TNXB: variants seen among roughly 807,000 people sequenced by gnomAD.
The protein encoded by TNXB is tenascin-X.
Under a neutral mutation model 340.5 loss-of-function variants are expected in TNXB, and 183 were observed. The ratio of observed to expected loss-of-function variants is 0.54; its 90% CI spans 0.48 to 0.61. TNXB has a LOEUF of 0.61. Ranked by LOEUF, TNXB falls within the 20% of genes least tolerant of loss-of-function variation. The probability of loss-of-function intolerance (pLI) is 0.00; values close to 1 mark genes in which losing one functional copy is unlikely to be tolerated. For synonymous variants in TNXB, 2,121 were observed against 2,314.5 expected, an observed-to-expected ratio of 0.92 and a Z score of 2.40; for missense variants, 4,613 against 5,446.4, an observed-to-expected ratio of 0.85 and a Z score of 4.82.
In TNXB at chr6:32,087,719, G is replaced by C. The variant is rs747351900; in HGVS notation, c.2779+1066C>G. On this transcript the variant is annotated intron_variant, in intron 6 of 43. Coordinates refer to ENST00000644971, the MANE Select transcript of TNXB (RefSeq NM_001365276.2). This position sits in a 1 kb window ranked among gnomAD's most constrained non-coding sequence, Gnocchi z 9.0. Reference sequence around the variant, plus strand: ...TGGCGCGCCACCGACGTGTAAGTCTGGTTGGCCCGCAGTGGGTAGCCGTGA... The same window carrying C: ...TGGCGCGCCACCGACGTGTAAGTCTCGTTGGCCCGCAGTGGGTAGCCGTGA... 1 of 483,110 alleles carries C rather than the reference G, an allele frequency of 2.1e-6. No homozygotes were observed. The highest frequency in any genetic ancestry group is 4.1e-6 in the Non-Finnish European group (1 of 243,024). The allele number at this position is 483,110 out of a possible 1,614,324, so 29.9% of individuals were successfully genotyped here. A position where few individuals can be genotyped will look rare whatever the true frequency, so the allele number is the denominator to read the frequency against.
In TNXB at chr6:32,097,180, G is replaced by A. The variant is rs1343425847; in HGVS notation, c.673C>T (p.Arg225Cys). The A allele has an allele frequency of 1.9e-6, 3 of 1,595,818 alleles. No individual in the cohort carries two copies. The highest frequency in any genetic ancestry group is 1.1e-5 in the South Asian group (1 of 88,790). Residue 225 changes from arginine (R) to cysteine (C), a missense_variant, in exon 3 of 44, where the codon CGT becomes TGT. By Grantham distance (180) the Arg-to-Cys change is radical. Transcript: ENST00000644971. This position sits in a 1 kb window ranked among gnomAD's most constrained non-coding sequence, Gnocchi z 5.9. ...WPSCPGDCQGRGRCVQGVCVC... is the reference protein window; with the variant it reads ...WPSCPGDCQGCGRCVQGVCVC... ...CACACGCCCTGCACGCAGCGCCCACGGCCTTGGCAGTCCCCGGGACAGGAT... is the reference window on the plus strand; with the variant it reads ...CACACGCCCTGCACGCAGCGCCCACAGCCTTGGCAGTCCCCGGGACAGGAT...
Position 32,046,384 on chromosome 6 carries a change from C to A in TNXB, c.10397G>T (p.Arg3466Leu), listed in dbSNP as rs757765276. Reference protein sequence around the residue: ...TVAEETSSSLRLSWTVAQGPF... With the variant: ...TVAEETSSSLLLSWTVAQGPF... ...GCCCTGGGCTACCGTCCAGGACAGG[C>A]GCAGAGAGCTGGAGGTCTCCTCAGC... Residue 3466 changes from arginine (R) to leucine (L), a missense_variant, in exon 31 of 44, where the codon CGC (arginine) becomes CTC (leucine). Arg to Leu is a moderately radical substitution (Grantham distance 102). This residue lies in a region of TNXB where 4,327 missense variants were observed against 4,859.4 expected (regional missense o/e 0.89). Coordinates refer to ENST00000644971, the MANE Select transcript of TNXB (RefSeq NM_001365276.2). This position sits in a 1 kb window ranked among gnomAD's most constrained non-coding sequence, Gnocchi z 6.9. 7 of 1,592,986 alleles carry A rather than the reference C, an allele frequency of 4.4e-6. No individual in the cohort carries two copies. Among genetic ancestry groups the A allele is most frequent in the Non-Finnish European group, 6.0e-6 (7 of 1,167,460 alleles).
Position 32,079,498 on chromosome 6 carries a change from C to G in TNXB, c.4043-133G>C. 1 of 774,040 alleles carries G rather than the reference C, an allele frequency of 1.3e-6. No homozygotes were observed. Among genetic ancestry groups the G allele is most frequent in the Non-Finnish European group, 2.0e-6 (1 of 494,130 alleles). 47.9% of individuals were successfully genotyped at this position (774,040 alleles called of 1,614,324 possible). On this transcript the variant is annotated intron_variant, in intron 10 of 43. Transcript: ENST00000644971. This position sits in a 1 kb window ranked among gnomAD's most constrained non-coding sequence, Gnocchi z 7.1. Reference sequence around the variant, plus strand: ...TTTGTATTTGCCATTCGGTCACTCACGGATGGAGAAGGCTGAGACAGCCCT... The same window carrying G: ...TTTGTATTTGCCATTCGGTCACTCAGGGATGGAGAAGGCTGAGACAGCCCT...
intron 1 of TNXB, 63 bp from the exon 2 acceptor site, chr6:32,098,269 T>C (rs1188763481): frequency 6.8e-6 from 9 of 1,325,908 alleles, no homozygotes; most frequent in Non-Finnish European, 9.0e-6. Context: ...AATCCCCCCT[T>C]CTCCAGCACA....
chr6:32,047,846 G>C lies in TNXB; in HGVS notation c.10212C>G (p.Asn3404Lys), dbSNP rs1776991652. Residue 3404 changes from asparagine to lysine, a missense_variant, in exon 30 of 44, where the codon AAC becomes AAG. Physicochemically the swap from Asn to Lys is moderately conservative, Grantham distance 94 (BLOSUM62 0). Coordinates refer to ENST00000644971, the MANE Select transcript of TNXB (RefSeq NM_001365276.2). This position sits in a 1 kb window ranked among gnomAD's most constrained non-coding sequence, Gnocchi z 6.2. ...GGCCCTGGACTGTGACCTCCCGCTG[G>C]TTGGCTGCCACCGGCACCACCTGGA... ...GRLQVVPVAA[N>K]QREVTVQGLE... 1 of 1,612,076 alleles carries C rather than the reference G, an allele frequency of 6.2e-7. No individual in the cohort carries two copies. Among genetic ancestry groups the C allele is most frequent in the South Asian group, 1.1e-5 (1 of 90,978 alleles).
At position 32,098,065 on chromosome 6, in the gene TNXB, C is replaced by T; in HGVS notation, c.134G>A (p.Gly45Asp). Residue 45 changes from glycine (G) to aspartate (D), a missense_variant, in exon 2 of 44, where the codon GGC becomes GAC. Physicochemically the swap from Gly to Asp is moderately conservative, Grantham distance 94. Around this residue, in one of 7 missense-constraint regions of TNXB, gnomAD observed 4,327 missense variants for 4,859.4 expected, o/e 0.89. Transcript: ENST00000644971. ...PAPRPPPQPG[G>D]HTVGAGVGSP... ...TCCCACTCCAGCCCCCACTGTGTGGCCCCCTGGCTGGGGAGGGGGCCGGGG... is the reference window on the plus strand; with the variant it reads ...TCCCACTCCAGCCCCCACTGTGTGGTCCCCTGGCTGGGGAGGGGGCCGGGG... 1 of 1,606,234 alleles carries T rather than the reference C, an allele frequency of 6.2e-7. No individual in the cohort carries two copies. Among genetic ancestry groups the T allele is most frequent in the Non-Finnish European group, 8.5e-7 (1 of 1,177,476 alleles).
Position 32,053,665 on chromosome 6 carries a change from G to A in TNXB, c.8514C>T (p.Thr2838=). 1.9e-6 allele frequency: 3 copies of A among 1,613,232 alleles called. No homozygotes were observed. In the South Asian group the frequency reaches 3.3e-5, roughly 18 times the overall value. ...AETTQAVPTT[T]PEPPNKPRLG... ...GGCGAGGCTTGTTGGGGGGCTCAGG[G>A]GTTGTGGTGGGCACTGCTTGGGTGG... The change falls in exon 25 of 44, where the codon ACC becomes ACT. Residue 2838 remains threonine, a synonymous_variant. Transcript: ENST00000644971.
Position 32,046,428 on chromosome 6 carries a change from G to C in TNXB, c.10353C>G (p.His3451Gln). 1 of 1,576,672 alleles carries C rather than the reference G, an allele frequency of 6.3e-7. No homozygotes were observed. Among genetic ancestry groups the C allele is most frequent in the South Asian group, 1.1e-5 (1 of 88,516 alleles). ...CCTCAGCCACGGTCAGTTCCCCCAGGTGGGGAGGTAGCTCCTTCTCCAGGG... is the reference window on the plus strand; with the variant it reads ...CCTCAGCCACGGTCAGTTCCCCCAGCTGGGGAGGTAGCTCCTTCTCCAGGG... ...TAPLEKELPPHLGELTVAEET... is the reference protein window; with the variant it reads ...TAPLEKELPPQLGELTVAEET... Residue 3451 changes from histidine to glutamine, a missense_variant, in exon 31 of 44, where the codon CAC becomes CAG. His to Gln is a conservative substitution (Grantham distance 24). Coordinates refer to ENST00000644971, the MANE Select transcript of TNXB (RefSeq NM_001365276.2). This position sits in a 1 kb window ranked among gnomAD's most constrained non-coding sequence, Gnocchi z 6.9.
chr6:32,095,830 C>T lies in TNXB; in HGVS notation c.2023G>A (p.Gly675Ser), dbSNP rs767398104. Residue 675 changes from glycine (G) to serine (S), a missense_variant, in exon 3 of 44, where the codon GGT (glycine) becomes AGT (serine). By Grantham distance (56) the Gly-to-Ser change is moderately conservative. Transcript: ENST00000644971. Reference sequence around the variant, plus strand: ...GGCTCTTCCTGCCCGCAGTCCTCACCGCCATAGCCCACGTGGCACAGGCAC... The same window carrying T: ...GGCTCTTCCTGCCCGCAGTCCTCACTGCCATAGCCCACGTGGCACAGGCAC... ...GVCLCHVGYG[G>S]EDCGQEEPPA... is the part of the protein sequence containing the mutation. 13 of 1,612,460 alleles carry T rather than the reference C, an allele frequency of 8.1e-6. No homozygotes were observed. In the East Asian group the frequency reaches 2.9e-4, roughly 36 times the overall value.
In TNXB at chr6:32,052,816, T is replaced by C; in HGVS notation, c.8969A>G (p.Asp2990Gly). 6.2e-7 allele frequency: 1 copy of C among 1,613,654 alleles called. No individual in the cohort carries two copies. The highest frequency in any genetic ancestry group is 8.5e-7 in the Non-Finnish European group (1 of 1,179,888). ...GACACGCACCACCTGGGGCCGCCCG[T>C]CCCTGTCCTTGTACTGCACAGTGAA... ...DSFTVQYKDRDGRPQVVRVRG... is the reference protein window; with the variant it reads ...DSFTVQYKDRGGRPQVVRVRG... The change falls in exon 26 of 44, where the codon GAC (aspartate) becomes GGC (glycine). Residue 2990 changes from aspartate (D) to glycine (G), a missense_variant. Physicochemically the swap from Asp to Gly is moderately conservative, Grantham distance 94 (BLOSUM62 -1). Transcript: ENST00000644971. This position sits in a 1 kb window ranked among gnomAD's most constrained non-coding sequence, Gnocchi z 4.7.
chr6:32,063,073 AAAAC>A (rs989192057), intron 19 of TNXB, among the ~76,000 whole-genome samples: 3 of 149,326 alleles, frequency 2.0e-5, no homozygotes, highest in South Asian at 2.1e-4. Flanking sequence ...CAAACAAACA[AAAAC>A]AAACAAACAA....
Position 32,073,917 on chromosome 6 carries a change from A to G in TNXB, c.4411T>C (p.Ser1471Pro). Residue 1471 changes from serine to proline, a missense_variant, in exon 12 of 44, where the codon TCC becomes CCC. Ser to Pro is a moderately conservative substitution (Grantham distance 74, BLOSUM62 -1). Coordinates refer to ENST00000644971, the MANE Select transcript of TNXB (RefSeq NM_001365276.2). The surrounding 1 kb of genome is among the most constrained non-coding windows in gnomAD (Gnocchi z 4.6). ...TCTCCTAGGCGTGGCTCCAGCGGGG[A>G]CTCAGTGGCTGGAGGGGTCTCTTCT... ...QQEETPPATE[S>P]PLEPRLGELT... The G allele has an allele frequency of 1.2e-6, 2 of 1,604,174 alleles. No individual in the cohort carries two copies. Among genetic ancestry groups the G allele is most frequent in the Non-Finnish European group, 1.7e-6 (2 of 1,175,346 alleles).
In TNXB at chr6:32,067,779, C is replaced by G. The variant is rs771912917; in HGVS notation, c.6426G>C (p.Gly2142=). 31 of 1,613,524 alleles carry G rather than the reference C, an allele frequency of 1.9e-5. No individual in the cohort carries two copies. The highest frequency in any genetic ancestry group is 2.5e-5 in the Non-Finnish European group (30 of 1,179,896). The change falls in exon 18 of 44, where the codon GGG becomes GGC. Residue 2142 remains glycine, a synonymous_variant. Transcript: ENST00000644971. This position sits in a 1 kb window ranked among gnomAD's most constrained non-coding sequence, Gnocchi z 4.2. The part of the protein sequence containing the change: ...RDGRPQVVRV[G]GEESEVTVGG... ...CCACGGTGACTTCACTCTCCTCGCC[C>G]CCAACACGCACCACCTGGGGCCGCC...
rs1242748414 is a variant in TNXB at position 32,065,053 on chromosome 6, TCTCA to T, written c.6605_6608del (p.Val2202GlufsTer58). 1.9e-6 allele frequency: 3 copies of T among 1,604,804 alleles called. No individual in the cohort carries two copies. In the African/African-American group the frequency reaches 4.0e-5, roughly 21 times the overall value. ...GGCTGAGGGAGTCGGAGGTGATGTCTCTCACTGTCATCTGCCCTAGGCGCAGCTT... is the reference window on the plus strand; with the variant it reads ...GGCTGAGGGAGTCGGAGGTGATGTCTCTGTCATCTGCCCTAGGCGCAGCTT... On this transcript the variant is annotated frameshift_variant, in exon 19 of 44. Coordinates refer to ENST00000644971, the MANE Select transcript of TNXB (RefSeq NM_001365276.2). LOFTEE classifies it high-confidence loss of function.
intron 3 of TNXB, 92 bp downstream of exon 3, chr6:32,095,519 C>G: frequency 6.7e-7 from 1 of 1,485,514 alleles, no homozygotes. Context: ...GACATGCTCT[C>G]CCTCCACTCT....
chr6:32,104,638 T>G (rs1562888024), intron 1 of TNXB, among the ~76,000 whole-genome samples: 1 of 152,062 alleles, frequency 6.6e-6, no homozygotes, highest in Non-Finnish European at 1.5e-5. Context: ...GGCTGCTTTT[T>G]TTTTCTTTTT....
Position 32,051,448 on chromosome 6 carries a change from G to A in TNXB, c.9116-1127C>T, listed in dbSNP as rs1777279147. Among the ~76,000 whole-genome samples, 1 of 152,204 alleles carries A rather than the reference G, an allele frequency of 6.6e-6. No homozygotes were observed. The highest frequency in any genetic ancestry group is 1.5e-5 in the Non-Finnish European group (1 of 68,042). Reference sequence around the variant, plus strand: ...GTTTCCAAATCTGTTACTGGGAGGAGCTTTGCTACAAAGGTGTTCTGTGAT... The same window carrying A: ...GTTTCCAAATCTGTTACTGGGAGGAACTTTGCTACAAAGGTGTTCTGTGAT... On this transcript the variant is annotated intron_variant, in intron 26 of 43. Coordinates refer to ENST00000644971, the MANE Select transcript of TNXB (RefSeq NM_001365276.2). This position sits in a 1 kb window ranked among gnomAD's most constrained non-coding sequence, Gnocchi z 4.7.
Position 32,047,542 on chromosome 6 carries a change from C to A in TNXB, c.10324+192G>T, listed in dbSNP as rs1776970355. On this transcript the variant is annotated intron_variant, in intron 30 of 43. Transcript: ENST00000644971. The surrounding 1 kb of genome is among the most constrained non-coding windows in gnomAD (Gnocchi z 6.2). ...GCCCGTGTCCCTTTTATTTCCTCAGCAGTCAGCGAATGAAAGGAAGTAATG... is the reference window on the plus strand; with the variant it reads ...GCCCGTGTCCCTTTTATTTCCTCAGAAGTCAGCGAATGAAAGGAAGTAATG... 6.6e-6 allele frequency among the ~76,000 whole-genome samples: 1 copy of A among 152,224 alleles called. No individual in the cohort carries two copies. Among genetic ancestry groups the A allele is most frequent in the African/African-American group, 2.4e-5 (1 of 41,456 alleles).
In TNXB at chr6:32,074,348, G is replaced by A. The variant is rs376884471; in HGVS notation, c.4376-396C>T. Among the ~76,000 whole-genome samples the A allele has an allele frequency of 3.9e-5, 6 of 152,192 alleles. No homozygotes were observed. The South Asian group carries it at 6.2e-4, about 16-fold the overall frequency. On this transcript the variant is annotated intron_variant, in intron 11 of 43. Transcript: ENST00000644971. This position sits in a 1 kb window ranked among gnomAD's most constrained non-coding sequence, Gnocchi z 5.5. Reference sequence around the variant, plus strand: ...GATGTCTGTTGCATTTGTGGAACCCGCATGATGGTTTTGATGTAAAAGCGC... The same window carrying A: ...GATGTCTGTTGCATTTGTGGAACCCACATGATGGTTTTGATGTAAAAGCGC...
Sources: allele counts gnomAD v4.1 joint callset (sites outside exome capture counted in the v4.1 genomes callset), GRCh38; gene constraint gnomAD v4.1.1; regional missense constraint gnomAD v4.1.1; non-coding constraint Gnocchi (gnomAD v3.1); transcripts MANE v1.5; gene names NCBI Gene and HGNC (gene_info 2026-07-23, HGNC 2026-07-21).